Variants in GMEB1 observed in about 807,000 individuals in gnomAD.
GMEB1 encodes glucocorticoid modulatory element-binding protein 1.
GMEB1 carries 6 observed loss-of-function variants against 52.4 expected under a neutral mutation model. That is an observed-to-expected ratio of 0.11 (90% CI 0.06 to 0.23). The LOEUF (loss-of-function observed/expected upper bound fraction) is 0.23. Among genes scored for constraint, GMEB1 ranks in the 10% least tolerant of loss-of-function variants. GMEB1 has a pLI of 1.00. For synonymous variants in GMEB1, 255 were observed against 244.9 expected (o/e 1.04, Z -0.38); for missense variants, 486 against 685.6 (o/e 0.71, Z 3.25).
At chr1:28,681,443 G>A (rs1031984445) in intron 1 of GMEB1, among the ~76,000 whole-genome samples, 12 of 152,066 alleles carry the variant, frequency 7.9e-5, no homozygotes, top group Non-Finnish European at 1.8e-4. Context: ...GAGAAGATGA[G>A]GGAGAAAGGC....
Position 28,687,366 on chromosome 1 carries a change from ACACACACAC to A in GMEB1, c.129-2737_129-2729del, listed in dbSNP as rs1332418937. Among the ~76,000 whole-genome samples the A allele has an allele frequency of 1.8e-4, 11 of 62,526 alleles. 2 individuals are homozygous for A. The highest frequency in any genetic ancestry group is 4.7e-4 in the African/African-American group (8 of 17,068). The allele number at this position is 62,526 out of a possible 152,430, so 41.0% of individuals were successfully genotyped here. A position where few individuals can be genotyped will look rare whatever the true frequency, so the allele number is the denominator to read the frequency against. On this transcript the variant is annotated intron_variant, in intron 2 of 9. Transcript: ENST00000373816. Reference sequence around the variant, plus strand: ...CACACACACACACACACACACACACACACACACACACACACACACACAAAAAAAGACAGT... The same window carrying A: ...CACACACACACACACACACACACACAACACACACACACAAAAAAAGACAGT...
chr1:28,675,006 AC>A (rs1164210889), intron 1 of GMEB1, among the ~76,000 whole-genome samples: 2 of 120,370 alleles, frequency 1.7e-5, no homozygotes, highest in Non-Finnish European at 3.3e-5. Context: ...GGCGTGAGCC[AC>A]CGCGCCCGGC....
intron 6 of GMEB1, among the ~76,000 whole-genome samples, chr1:28,701,210 C>G (rs1320457946): frequency 6.7e-6 from 1 of 149,202 alleles, no homozygotes; most frequent in Non-Finnish European, 1.5e-5. Context: ...TCCGTACTTT[C>G]CTATATTGCT....
intron 5 of GMEB1, 83 bp from the exon 6 acceptor site, chr1:28,696,843 TG>T (rs1670231550): frequency 3.9e-6 from 4 of 1,031,802 alleles, no homozygotes; most frequent in Non-Finnish European, 5.8e-6. Context: ...GGCTCAGCAG[TG>T]TTGTCCCTAT....
intron 6 of GMEB1, among the ~76,000 whole-genome samples, chr1:28,702,140 A>G (rs1003753437): frequency 3.9e-5 from 6 of 152,178 alleles, no homozygotes; most frequent in African/African-American, 7.2e-5. Flanking sequence ...TCTATCTTCA[A>G]TCTCTTTCAA....
chr1:28,717,360 T>C lies in GMEB1; in HGVS notation c.*2587T>C, dbSNP rs1671303308. ...TCCCACCACCACGCCCGGGTAATTT[T>C]TGTATTTTTAGTAGAGACGGGGTTT... On this transcript the variant is annotated 3_prime_UTR_variant, in exon 10 of 10. Coordinates refer to ENST00000373816, the MANE Select transcript of GMEB1 (RefSeq NM_001319674.2). 1 of 152,194 alleles carries C rather than the reference T, an allele frequency of 6.6e-6. No homozygotes were observed. Among genetic ancestry groups the C allele is most frequent in the South Asian group, 2.1e-4 (1 of 4,826 alleles). The allele number at this position is 152,194 out of a possible 1,614,324, so 9.4% of individuals were successfully genotyped here.
chr1:28,696,860 C>A, intron 5 of GMEB1, 67 bp from the exon 6 acceptor site: 1 of 1,247,610 alleles, frequency 8.0e-7, no homozygotes, highest in South Asian at 1.6e-5. Flanking sequence ...CCTATTTTTC[C>A]CTGAGGCCTA....
intron 6 of GMEB1, among the ~76,000 whole-genome samples, chr1:28,701,861 A>G (rs374642630): frequency 1.3e-5 from 2 of 152,188 alleles, no homozygotes; most frequent in Admixed American, 6.6e-5. Flanking sequence ...CGCCCAGTCA[A>G]AATCTTACTA....
rs1670726488 is a variant in GMEB1 at position 28,705,746 on chromosome 1, C to G, written c.868+1417C>G. Among the ~76,000 whole-genome samples, 4 of 151,956 alleles carry G rather than the reference C, an allele frequency of 2.6e-5. No individual in the cohort carries two copies. In the South Asian group the frequency reaches 8.3e-4, roughly 31 times the overall value. On this transcript the variant is annotated intron_variant, in intron 8 of 9. Transcript: ENST00000373816. ...GATTATAGGCATGAGCCACCGCGCC[C>G]AGCCGATACATCTATTTTCAGACTC...
chr1:28,675,246 T>C (rs1669097177), intron 1 of GMEB1, among the ~76,000 whole-genome samples: 1 of 151,548 alleles, frequency 6.6e-6, no homozygotes, highest in Non-Finnish European at 1.5e-5. Flanking sequence ...CTTGATCTCC[T>C]GACCTTGTGA....
chr1:28,716,480 C>A lies in GMEB1; in HGVS notation c.*1707C>A, dbSNP rs529766790. ...TCTGTCTCCTAGAACCCACGCTCTTCAGCTTTTTGGCTGATTTGGAGAACA... is the reference window on the plus strand; with the variant it reads ...TCTGTCTCCTAGAACCCACGCTCTTAAGCTTTTTGGCTGATTTGGAGAACA... On this transcript the variant is annotated 3_prime_UTR_variant, in exon 10 of 10. Coordinates refer to ENST00000373816, the MANE Select transcript of GMEB1 (RefSeq NM_001319674.2). 3.3e-5 allele frequency: 5 copies of A among 152,292 alleles called. No homozygotes were observed. Among genetic ancestry groups the A allele is most frequent in the African/African-American group, 1.2e-4 (5 of 41,558 alleles). 9.4% of individuals were successfully genotyped at this position (152,292 alleles called of 1,614,324 possible). A position where few individuals can be genotyped will look rare whatever the true frequency, so the allele number is the denominator to read the frequency against.
In GMEB1 at chr1:28,682,164, C is replaced by T. The variant is rs554300431; in HGVS notation, c.-30-1419C>T. On this transcript the variant is annotated intron_variant, in intron 1 of 9. Coordinates refer to ENST00000373816, the MANE Select transcript of GMEB1 (RefSeq NM_001319674.2). ...TCTTTTCAACTGTGAAGACTAATAACTGCAGAATATCTTGGGGTCCTCTGA... is the reference window on the plus strand; with the variant it reads ...TCTTTTCAACTGTGAAGACTAATAATTGCAGAATATCTTGGGGTCCTCTGA... Among the ~76,000 whole-genome samples, 3 of 152,252 alleles carry T rather than the reference C, an allele frequency of 2.0e-5. No individual in the cohort carries two copies. In the South Asian group the frequency reaches 6.2e-4, roughly 32 times the overall value.
upstream of GMEB1, chr1:28,668,613 G>C (rs948066050): frequency 1.3e-5 from 2 of 152,836 alleles, no homozygotes; most frequent in African/African-American, 2.4e-5. Context: ...AAGGGCGAAA[G>C]AATTCTGCTT....
chr1:28,715,451 A>T lies in GMEB1; in HGVS notation c.*678A>T, dbSNP rs1342149452. 6.7e-6 allele frequency: 1 copy of T among 149,548 alleles called. No individual in the cohort carries two copies. The highest frequency in any genetic ancestry group is 1.5e-5 in the Non-Finnish European group (1 of 67,960). 9.3% of individuals were successfully genotyped at this position (149,548 alleles called of 1,614,324 possible). ...GTATCTACTAAAAATACGAAAAAAA[A>T]ATTAGCCGGGTGTGGTGGCGGGAGC... On this transcript the variant is annotated 3_prime_UTR_variant, in exon 10 of 10. Transcript: ENST00000373816.
chr1:28,708,177 G>A (rs1012313589), intron 8 of GMEB1, among the ~76,000 whole-genome samples: 1 of 151,970 alleles, frequency 6.6e-6, no homozygotes, highest in African/African-American at 2.4e-5. Context: ...GGGATTATAG[G>A]CGTGAGCCAC....
intron 3 of GMEB1, 96 bp from the exon 4 acceptor site, chr1:28,691,489 A>G (rs746165929): frequency 2.6e-6 from 2 of 777,336 alleles, no homozygotes; most frequent in Non-Finnish European, 3.8e-6. Context: ...AGAGTGAAGT[A>G]TTAGTCCCTT....
At chr1:28,709,418 C>T (rs1670943323) in intron 8 of GMEB1, among the ~76,000 whole-genome samples, 1 of 151,836 alleles carries the variant, frequency 6.6e-6, no homozygotes, top group African/African-American at 2.4e-5. Flanking sequence ...GTTATTAATC[C>T]CATTCATTTT....
At chr1:28,677,138 G>A (rs142886665) in intron 1 of GMEB1, among the ~76,000 whole-genome samples, 1 of 151,824 alleles carries the variant, frequency 6.6e-6, no homozygotes, top group African/African-American at 2.4e-5. Context: ...GTTTAGACTT[G>A]TGTCCTATCC....
At chr1:28,679,183 C>CT (rs879838060) in intron 1 of GMEB1, among the ~76,000 whole-genome samples, 125 of 140,684 alleles carry the variant, frequency 8.9e-4, no homozygotes, top group East Asian at 2.1e-3. Context: ...CACACCTGAC[C>CT]TTTTTTTTTT....
Sources: allele counts gnomAD v4.1 joint callset (sites outside exome capture counted in the v4.1 genomes callset), GRCh38; gene constraint gnomAD v4.1.1; transcripts MANE v1.5; gene names NCBI Gene and HGNC (gene_info 2026-07-23, HGNC 2026-07-21).